The following EVC2 variants were observed in gnomAD, a reference collection of about 807,000 sequenced individuals.
The protein encoded by EVC2 is EvC ciliary complex subunit 2.
In EVC2, 148 loss-of-function variants were observed where a neutral mutation model predicts 149.3. The observed-to-expected ratio is 0.99, with a 90% CI of 0.87 to 1.14. EVC2 has a LOEUF of 1.14. Ranked by LOEUF, EVC2 falls within the 50% of genes most tolerant of loss-of-function variation. The probability of loss-of-function intolerance (pLI) is 0.00; values close to 1 mark genes in which losing one functional copy is unlikely to be tolerated. For missense variants in EVC2, 1,854 were observed against 1,627.3 expected, an observed-to-expected ratio of 1.14 and a Z score of -2.40; for synonymous variants, 776 against 649.9, an observed-to-expected ratio of 1.19 and a Z score of -2.95.
the EVC2 span, among the ~76,000 whole-genome samples, chr4:5,536,491 TTAAAG>T: frequency 6.6e-6 from 1 of 152,062 alleles, no homozygotes; most frequent in East Asian, 1.9e-4. Flanking sequence ...TCACAATACA[TTAAAG>T]AGTTATGGCT....
rs750789655 is a variant in EVC2, at chr4:5,562,962, C to G, written c.3813G>C (p.Lys1271Asn). The G allele has an allele frequency of 3.7e-6, 6 of 1,613,946 alleles. No homozygotes were observed. The highest frequency in any genetic ancestry group is 4.2e-6 in the Non-Finnish European group (5 of 1,180,028). ...ETIDLLNTGE[K>N]LFIFRNPKEP... ...CCTTTGGATTTCTGAATATAAAGAG[C>G]TTCTCTCCTGTGTTTAATAGATCAA... is the stretch of plus-strand genomic sequence containing the variant. Residue 1271 changes from lysine to asparagine, a missense_variant, in exon 22 of 22, where the codon AAG becomes AAC. By Grantham distance (94) the Lys-to-Asn change is moderately conservative. Coordinates refer to ENST00000344408, the MANE Select transcript of EVC2 (RefSeq NM_147127.5). This position sits in a 1 kb window ranked among gnomAD's most constrained non-coding sequence, Gnocchi z 4.3.
chr4:5,649,170 G>A (rs1484934967), intron 9 of EVC2, among the ~76,000 whole-genome samples: 1 of 152,230 alleles, frequency 6.6e-6, no homozygotes, highest in Non-Finnish European at 1.5e-5. Context: ...GCTCGGCAAA[G>A]TTAGCAGGAT....
chr4:5,622,390 T>G lies in EVC2; in HGVS notation c.2501+147A>C, dbSNP rs2108838202. ...ATTCGAGGTCCTCCCCCCGGGGCGT[T>G]GAGTTTATATGACTAATTAACGCTG... is the stretch of plus-strand genomic sequence containing the variant. On this transcript the variant is annotated intron_variant, in intron 14 of 21. Transcript: ENST00000344408. This position sits in a 1 kb window ranked among gnomAD's most constrained non-coding sequence, Gnocchi z 5.8. 119 of 935,462 alleles carry G rather than the reference T, an allele frequency of 1.3e-4. No homozygotes were observed. Among genetic ancestry groups the G allele is most frequent in the East Asian group, 2.9e-4 (11 of 37,596 alleles). The allele number at this position is 935,462 out of a possible 1,614,324, so 57.9% of individuals were successfully genotyped here. A position where few individuals can be genotyped will look rare whatever the true frequency, so the allele number is the denominator to read the frequency against.
intron 3 of EVC2, among the ~76,000 whole-genome samples, chr4:5,692,564 T>G (rs1721185761): frequency 1.3e-5 from 2 of 152,134 alleles, no homozygotes; most frequent in Admixed American, 1.3e-4. Context: ...AACCCTCTCA[T>G]TGTGTAGAAA....
chr4:5,618,118 C>A lies in EVC2; in HGVS notation c.2706+360G>T, dbSNP rs1183767766. On this transcript the variant is annotated intron_variant, in intron 15 of 21. Coordinates refer to ENST00000344408, the MANE Select transcript of EVC2 (RefSeq NM_147127.5). This position sits in a 1 kb window ranked among gnomAD's most constrained non-coding sequence, Gnocchi z 4.4. ...GCCATATAGAAAGGCCTTTTGTACC[C>A]AGAGTCAGTCATTAGCTGTGGCTGG... 6.6e-6 allele frequency among the ~76,000 whole-genome samples: 1 copy of A among 152,124 alleles called. No homozygotes were observed. Among genetic ancestry groups the A allele is most frequent in the Admixed American group, 6.5e-5 (1 of 15,270 alleles).
At chr4:5,580,161 G>T (rs1711628436) in intron 17 of EVC2, among the ~76,000 whole-genome samples, 1 of 152,148 alleles carries the variant, frequency 6.6e-6, no homozygotes, top group African/African-American at 2.4e-5. Flanking sequence ...ATGTTTAACA[G>T]CCTAAAAGCC....
At chr4:5,566,040 C>T (rs528351705) in intron 20 of EVC2, among the ~76,000 whole-genome samples, 4 of 152,380 alleles carry the variant, frequency 2.6e-5, no homozygotes, top group South Asian at 2.1e-4. Context: ...TTACCCTCCA[C>T]GTAGCCCTAG....
chr4:5,699,642 C>CA (rs773633372), intron 1 of EVC2, among the ~76,000 whole-genome samples: 64,609 of 111,484 alleles, frequency 0.58, 17,201 homozygotes, highest in Non-Finnish European at 0.65. Flanking sequence ...TCCATCTCTA[C>CA]AAAAAAAAAA....
intron 7 of EVC2, among the ~76,000 whole-genome samples, chr4:5,675,783 A>T (rs1173522860): frequency 6.6e-6 from 1 of 152,076 alleles, no homozygotes; most frequent in Admixed American, 6.5e-5. Context: ...CATCTCTACT[A>T]ATAATACAAA....
chr4:5,638,598 G>A (rs1322228338), intron 10 of EVC2, among the ~76,000 whole-genome samples: 1 of 151,984 alleles, frequency 6.6e-6, no homozygotes, highest in Non-Finnish European at 1.5e-5. Context: ...ACTGAATGGT[G>A]ACACTCCCAC....
chr4:5,627,122 C>G (rs984618198), intron 12 of EVC2, among the ~76,000 whole-genome samples: 2 of 152,146 alleles, frequency 1.3e-5, no homozygotes, highest in Non-Finnish European at 2.9e-5. Context: ...ACTCTGCTAC[C>G]AGCATTACCA....
At chr4:5,676,851 T>C (rs1720027205) in intron 7 of EVC2, among the ~76,000 whole-genome samples, 1 of 152,170 alleles carries the variant, frequency 6.6e-6, no homozygotes, top group Non-Finnish European at 1.5e-5. Flanking sequence ...TTCGGTCTTT[T>C]TTTTTCATGT....
rs933441330 is a variant in EVC2 at position 5,569,131 on chromosome 4, G to C, written c.3361-491C>G. Among the ~76,000 whole-genome samples the C allele has an allele frequency of 1.3e-5, 2 of 152,186 alleles. No individual in the cohort carries two copies. Among genetic ancestry groups the C allele is most frequent in the African/African-American group, 4.8e-5 (2 of 41,444 alleles). On this transcript the variant is annotated intron_variant, in intron 19 of 21. Coordinates refer to ENST00000344408, the MANE Select transcript of EVC2 (RefSeq NM_147127.5). The surrounding 1 kb of genome is among the most constrained non-coding windows in gnomAD (Gnocchi z 4.8). ...GATCCCAGGGGCATTATGCCGAGTG[G>C]AAACAGCCAGTCTCCAAAGGTCACG... is the stretch of plus-strand genomic sequence containing the variant.
chr4:5,542,620 AC>A (rs1449583427), downstream of EVC2, among the ~76,000 whole-genome samples: 1 of 152,142 alleles, frequency 6.6e-6, no homozygotes, highest in Non-Finnish European at 1.5e-5. Flanking sequence ...TCACCTACAC[AC>A]TGGAGAGTCT....
chr4:5,579,572 T>G (rs1711575556), intron 17 of EVC2, among the ~76,000 whole-genome samples: 1 of 152,156 alleles, frequency 6.6e-6, no homozygotes, highest in Non-Finnish European at 1.5e-5. Context: ...CTGGGCGTGG[T>G]AGCTCACACC....
intron 6 of EVC2, among the ~76,000 whole-genome samples, chr4:5,683,248 T>G (rs571203996): frequency 2.6e-5 from 4 of 152,332 alleles, no homozygotes; most frequent in East Asian, 1.9e-4. Context: ...ATACGTACGG[T>G]GCCTTGGAGT....
rs1019263985 is a variant in EVC2, at chr4:5,670,658, T to C, written c.871-5009A>G. 1.3e-5 allele frequency among the ~76,000 whole-genome samples: 2 copies of C among 150,162 alleles called. No individual in the cohort carries two copies. Among genetic ancestry groups the C allele is most frequent in the Non-Finnish European group, 3.0e-5 (2 of 67,682 alleles). ...ACCATCATTGTCAACATTATCAATA[T>C]GCCAATCACCTTCACCATGGCCATC... On this transcript the variant is annotated intron_variant, in intron 7 of 21. Transcript: ENST00000344408. The surrounding 1 kb of genome is among the most constrained non-coding windows in gnomAD (Gnocchi z 5.2).
At chr4:5,547,387 G>A (rs1212865186) in intron 21 of EVC2, among the ~76,000 whole-genome samples, 1 of 152,226 alleles carries the variant, frequency 6.6e-6, no homozygotes, top group Non-Finnish European at 1.5e-5. Flanking sequence ...GTTCCTGGGT[G>A]GAAGGGGGCA....
intron 7 of EVC2, among the ~76,000 whole-genome samples, chr4:5,671,375 G>C (rs924597660): frequency 1.3e-5 from 2 of 152,174 alleles, no homozygotes; most frequent in Non-Finnish European, 2.9e-5. Flanking sequence ...TCACCTTTTG[G>C]GGGTGAGGGA....
Sources: gnomAD v4.1 joint callset for allele counts (sites outside exome capture counted in the v4.1 genomes callset) on GRCh38, gnomAD v4.1.1 for gene constraint, Gnocchi (gnomAD v3.1) non-coding constraint, MANE v1.5 for transcripts, NCBI Gene and HGNC (gene_info 2026-07-23, HGNC 2026-07-21) for gene names.